The following CFAP299 variants were observed in gnomAD, a reference collection of about 807,000 sequenced individuals.
CFAP299 encodes cilia and flagella associated protein 299.
CFAP299 carries 21 observed loss-of-function variants against 27.0 expected under a neutral mutation model. The ratio of observed to expected loss-of-function variants is 0.78; its 90% CI spans 0.55 to 1.12. CFAP299 has a LOEUF of 1.12. Ranked by LOEUF, CFAP299 falls within the 50% of genes most tolerant of loss-of-function variation. The pLI, the probability that CFAP299 is intolerant of heterozygous loss-of-function variation, is 0.00. For missense variants in CFAP299, 310 were observed against 276.6 expected (o/e 1.12, Z -0.86); for synonymous variants, 104 against 98.1 (o/e 1.06, Z -0.36).
At chr4:80,675,092 C>T (rs990560550) in intron 3 of CFAP299, among the ~76,000 whole-genome samples, 1 of 152,150 alleles carries the variant, frequency 6.6e-6, no homozygotes, top group Non-Finnish European at 1.5e-5. Context: ...ATCCTTTGGA[C>T]CAGAAGAGGT....
chr4:80,468,110 A>C (rs1209751498), intron 2 of CFAP299, among the ~76,000 whole-genome samples: 1 of 152,222 alleles, frequency 6.6e-6, no homozygotes, highest in Non-Finnish European at 1.5e-5. Context: ...GTTGATACCT[A>C]CATAGGTATA....
At chr4:80,670,330 A>G (rs1283315240) in intron 3 of CFAP299, among the ~76,000 whole-genome samples, 1 of 152,074 alleles carries the variant, frequency 6.6e-6, no homozygotes, top group Admixed American at 6.6e-5. Context: ...ATCCTTTTTT[A>G]TGGCTGCATA....
chr4:80,801,711 A>G (rs753208503), intron 3 of CFAP299, among the ~76,000 whole-genome samples: 47 of 152,110 alleles, frequency 3.1e-4, no homozygotes, highest in Non-Finnish European at 5.1e-4. Flanking sequence ...TAAGGGCATC[A>G]ATTGGGAAGA....
chr4:80,386,832 G>T, intron 2 of CFAP299: 1 of 896,216 alleles, frequency 1.1e-6, no homozygotes, highest in Non-Finnish European at 1.9e-6. Context: ...AAGGGCTGGT[G>T]GATCAACATG....
chr4:80,592,528 T>C (rs969043503), intron 3 of CFAP299, among the ~76,000 whole-genome samples: 1 of 152,282 alleles, frequency 6.6e-6, no homozygotes, highest in East Asian at 1.9e-4. Flanking sequence ...GGCTATTCTG[T>C]CAAACAGTTT....
intron 3 of CFAP299, among the ~76,000 whole-genome samples, chr4:80,781,952 T>G (rs1367261292): frequency 6.6e-6 from 1 of 151,906 alleles, no homozygotes; most frequent in African/African-American, 2.4e-5. Flanking sequence ...ACTCAAGCCT[T>G]GTGCTTTATT....
intron 3 of CFAP299, among the ~76,000 whole-genome samples, chr4:80,835,901 C>A (rs986582349): frequency 2.6e-5 from 4 of 152,186 alleles, no homozygotes; most frequent in African/African-American, 9.6e-5. Context: ...TTAAGACTTA[C>A]ATTCTTTTCT....
intron 2 of CFAP299, among the ~76,000 whole-genome samples, chr4:80,550,798 C>T (rs889318772): frequency 3.9e-4 from 59 of 151,790 alleles, no homozygotes; most frequent in African/African-American, 1.2e-3. Flanking sequence ...CACACACACA[C>T]GCATACACAT....
intron 2 of CFAP299, among the ~76,000 whole-genome samples, chr4:80,438,952 A>G (rs902719053): frequency 2.0e-5 from 3 of 152,198 alleles, no homozygotes; most frequent in African/African-American, 7.2e-5. Flanking sequence ...GTTATTTCAA[A>G]TAGAATCATT....
chr4:80,514,982 C>T (rs765044025), intron 2 of CFAP299, among the ~76,000 whole-genome samples: 7 of 151,998 alleles, frequency 4.6e-5, no homozygotes, highest in Non-Finnish European at 7.4e-5. Context: ...CCACCCAGAA[C>T]GGTGTCTATT....
chr4:80,478,322 T>C (rs1285830259), intron 2 of CFAP299, among the ~76,000 whole-genome samples: 3 of 152,150 alleles, frequency 2.0e-5, no homozygotes, highest in Admixed American at 1.3e-4. Flanking sequence ...CTATTTCCAT[T>C]CCACTTACCC....
intron 3 of CFAP299, among the ~76,000 whole-genome samples, chr4:80,743,165 G>T (rs1277432292): frequency 6.6e-6 from 1 of 152,064 alleles, no homozygotes; most frequent in Admixed American, 6.5e-5. Context: ...GGAGGCCAAG[G>T]TGGGTGGACC....
chr4:80,842,888 C>T (rs1208230717), intron 3 of CFAP299, among the ~76,000 whole-genome samples: 1 of 152,068 alleles, frequency 6.6e-6, no homozygotes, highest in Non-Finnish European at 1.5e-5. Flanking sequence ...TCCAATCTTA[C>T]TACCATCCTT....
intron 2 of CFAP299, among the ~76,000 whole-genome samples, chr4:80,409,936 T>C (rs1048436423): frequency 2.6e-5 from 4 of 152,128 alleles, no homozygotes; most frequent in Non-Finnish European, 4.4e-5. Context: ...TCAATTTTGG[T>C]GTTTGAGTTT....
rs184452168 is a variant in CFAP299, at chr4:80,401,479, G to C, written c.242+38595G>C. 1.6e-3 allele frequency among the ~76,000 whole-genome samples: 241 copies of C among 152,296 alleles called. 1 individual carries two copies. Among genetic ancestry groups the C allele is most frequent in the Non-Finnish European group, 2.1e-3 (145 of 68,028 alleles). ...GTACAGCTTGGGCTGTGGCTTCAGA[G>C]GGGGGAAGCCCCAAGTCTTGGCAGC... On this transcript the variant is annotated intron_variant, in intron 2 of 5. Transcript: ENST00000358105.
intron 3 of CFAP299, among the ~76,000 whole-genome samples, chr4:80,799,322 A>ATATTTATATAATATATATATATAAATG (rs1728102700): frequency 1.2e-5 from 1 of 84,622 alleles, no homozygotes; most frequent in Non-Finnish European, 2.0e-5. Flanking sequence ...ATATATAAAT[A>ATATTTATATAATATATATATATAAATG]TATTTATATA....
At chr4:80,838,746 G>A (rs1352230667) in intron 3 of CFAP299, among the ~76,000 whole-genome samples, 1 of 151,956 alleles carries the variant, frequency 6.6e-6, no homozygotes, top group African/African-American at 2.4e-5. Flanking sequence ...GGCTATATGG[G>A]CCCTTTTTGG....
rs562229908 is a variant in CFAP299 at position 80,575,950 on chromosome 4, G to A, written c.243-7143G>A. Among the ~76,000 whole-genome samples the A allele has an allele frequency of 6.3e-4, 96 of 151,690 alleles. 1 individual carries two copies. Among genetic ancestry groups the A allele is most frequent in the African/African-American group, 2.0e-3 (83 of 41,344 alleles). ...CTATCGCAAGGACAAAAAACTGAAC[G>A]CCGCATGTTCTCACTCATAGGTGGG... On this transcript the variant is annotated intron_variant, in intron 2 of 5. Transcript: ENST00000358105.
At chr4:80,812,727 A>G (rs1729220384) in intron 3 of CFAP299, among the ~76,000 whole-genome samples, 1 of 152,134 alleles carries the variant, frequency 6.6e-6, no homozygotes, top group African/African-American at 2.4e-5. Flanking sequence ...GAGCATTCAT[A>G]TTAAAAATGG....
Sources: gnomAD v4.1 joint callset for allele counts (sites outside exome capture counted in the v4.1 genomes callset) on GRCh38, gnomAD v4.1.1 for gene constraint, MANE v1.5 for transcripts, NCBI Gene and HGNC (gene_info 2026-07-23, HGNC 2026-07-21) for gene names.